The following INSC variants were observed in gnomAD, a reference collection of about 807,000 sequenced individuals.
INSC encodes INSC spindle orientation adaptor protein.
In INSC, 67 loss-of-function variants were observed where a neutral mutation model predicts 58.6. The observed-to-expected ratio is 1.14, with a 90% confidence interval of 0.94 to 1.40. The LOEUF (loss-of-function observed/expected upper bound fraction) is 1.40, where lower values mean the gene tolerates loss of function less well. INSC is among the 40% of genes most tolerant of loss of function. The pLI is 0.00. For synonymous variants in INSC, 262 were observed against 276.1 expected, an observed-to-expected ratio of 0.95 and a Z score of 0.51; for missense variants, 714 against 692.0, an observed-to-expected ratio of 1.03 and a Z score of -0.36.
chr11:15,246,642 G>T lies in INSC; in HGVS notation c.*602G>T, dbSNP rs533250675. 1 of 152,578 alleles carries T rather than the reference G, an allele frequency of 6.6e-6. No individual in the cohort carries two copies. The highest frequency in any genetic ancestry group is 2.4e-5 in the African/African-American group (1 of 41,496). The allele number at this position is 152,578 out of a possible 1,614,324, so 9.5% of individuals were successfully genotyped here. A position where few individuals can be genotyped will look rare whatever the true frequency, so the allele number is the denominator to read the frequency against. On this transcript the variant is annotated 3_prime_UTR_variant, in exon 13 of 13. Coordinates refer to ENST00000379556, the MANE Select transcript of INSC (RefSeq NM_001042536.3). ...ACACAGAATTGTCTTGTTTTCATAG[G>T]TGTATAAATAGGTTAAGTTCTGAGT...
At chr11:15,194,929 T>C (rs1217349685) in intron 6 of INSC, among the ~76,000 whole-genome samples, 3 of 152,188 alleles carry the variant, frequency 2.0e-5, no homozygotes, top group Admixed American at 6.5e-5. Flanking sequence ...AGCTTTAAAA[T>C]TTTTAGGATT....
At chr11:15,170,617 C>T (rs548483898) in intron 2 of INSC, among the ~76,000 whole-genome samples, 3 of 152,260 alleles carry the variant, frequency 2.0e-5, no homozygotes, top group East Asian at 1.9e-4. Context: ...GTTAAAATAG[C>T]GACTGCCAGG....
rs546343225 is a variant in INSC, at chr11:15,233,149, G to A, written c.1171-2453G>A. ...ACACGCTTAGCTATCACATTATACT[G>A]ACCTCTCACCTAGGGCCTTTCTCAA... On this transcript the variant is annotated intron_variant, in intron 9 of 12. Transcript: ENST00000379556. 2.0e-5 allele frequency among the ~76,000 whole-genome samples: 3 copies of A among 152,304 alleles called. No homozygotes were observed. The East Asian group carries it at 5.8e-4, about 29-fold the overall frequency.
chr11:15,205,092 G>T (rs1345918268), intron 7 of INSC, among the ~76,000 whole-genome samples: 1 of 152,186 alleles, frequency 6.6e-6, no homozygotes, highest in East Asian at 1.9e-4. Flanking sequence ...TTGCCAGTCA[G>T]TCATTCACTT....
At chr11:15,138,243 G>A (rs1848291999) in intron 1 of INSC, among the ~76,000 whole-genome samples, 1 of 152,098 alleles carries the variant, frequency 6.6e-6, no homozygotes, top group Admixed American at 6.5e-5. Context: ...AGATACAATA[G>A]TAATGAAAAA....
At chr11:15,226,632 CCT>C (rs1344861012) in intron 9 of INSC, among the ~76,000 whole-genome samples, 1 of 152,142 alleles carries the variant, frequency 6.6e-6, no homozygotes, top group Non-Finnish European at 1.5e-5. Flanking sequence ...TCAGCTTATC[CCT>C]GTCTGCATTT....
intron 1 of INSC, among the ~76,000 whole-genome samples, chr11:15,144,306 A>G (rs957268320): frequency 6.6e-6 from 1 of 152,102 alleles, no homozygotes; most frequent in Non-Finnish European, 1.5e-5. Flanking sequence ...TTTTTGCCCC[A>G]TTTTACTGAT....
At chr11:15,184,296 T>G (rs1666960755) in intron 5 of INSC, 2 of 154,046 alleles carry the variant, frequency 1.3e-5, no homozygotes, top group African/African-American at 4.8e-5. Flanking sequence ...TATTTTAATA[T>G]TGACAGTTTT....
chr11:15,211,010 T>C lies in INSC; in HGVS notation c.819+10061T>C, dbSNP rs144370515. On this transcript the variant is annotated intron_variant, in intron 7 of 12. Coordinates refer to ENST00000379556, the MANE Select transcript of INSC (RefSeq NM_001042536.3). ...TGCCGGCAAGTGGTGGGTCCTCTGG[T>C]CACCCACAGAGATAAAGAGAGACAG... is the stretch of plus-strand genomic sequence containing the variant. Among the ~76,000 whole-genome samples, 151 of 151,722 alleles carry C rather than the reference T, an allele frequency of 1.0e-3. 3 individuals are homozygous for C. Among genetic ancestry groups the C allele is most frequent in the African/African-American group, 3.6e-3 (147 of 41,328 alleles).
chr11:15,160,314 T>C (rs1006791036), intron 2 of INSC, among the ~76,000 whole-genome samples: 2 of 152,134 alleles, frequency 1.3e-5, no homozygotes, highest in Admixed American at 6.5e-5. Flanking sequence ...GGGACCAGCA[T>C]GTGCAAAGCC....
the INSC span, among the ~76,000 whole-genome samples, chr11:15,254,370 A>C: frequency 6.6e-6 from 1 of 152,186 alleles, no homozygotes; most frequent in Non-Finnish European, 1.5e-5. Context: ...AAAGAAAAAC[A>C]AATATAAGTA....
chr11:15,174,662 A>C (rs1280314291), intron 2 of INSC, among the ~76,000 whole-genome samples: 1 of 152,250 alleles, frequency 6.6e-6, no homozygotes, highest in Admixed American at 6.5e-5. Flanking sequence ...ACTCAGCCTT[A>C]GTCATTAGCT....
intron 9 of INSC, among the ~76,000 whole-genome samples, 176 bp downstream of exon 9, chr11:15,226,004 GA>G (rs1305216977): frequency 2.6e-5 from 4 of 152,088 alleles, no homozygotes; most frequent in African/African-American, 9.7e-5. Flanking sequence ...CTCTCTATGA[GA>G]ACTCCTACCC....
chr11:15,254,217 T>C, the INSC span, among the ~76,000 whole-genome samples: 1 of 152,122 alleles, frequency 6.6e-6, no homozygotes, highest in Non-Finnish European at 1.5e-5. Flanking sequence ...ATAGAATCCA[T>C]ATCTCTTTGA....
intron 12 of INSC, among the ~76,000 whole-genome samples, chr11:15,244,131 G>A (rs1327666243): frequency 6.6e-6 from 1 of 152,024 alleles, no homozygotes; most frequent in Non-Finnish European, 1.5e-5. Context: ...AAAATGCATT[G>A]GTGGCCTTGT....
Position 15,136,631 on chromosome 11 carries a change from C to T in INSC, c.-45-12499C>T, listed in dbSNP as rs185179369. Among the ~76,000 whole-genome samples, 7 of 152,238 alleles carry T rather than the reference C, an allele frequency of 4.6e-5. No individual in the cohort carries two copies. In the East Asian group the frequency reaches 1.3e-3, roughly 29 times the overall value. On this transcript the variant is annotated intron_variant, in intron 1 of 12. Transcript: ENST00000379556. ...ATCTCAAGAAACTTCTTTCTTTGCT[C>T]ATCCATAAGAAGCAACTCCTCATCC...
At chr11:15,226,992 C>A (rs1851665522) in intron 9 of INSC, among the ~76,000 whole-genome samples, 1 of 152,146 alleles carries the variant, frequency 6.6e-6, no homozygotes, top group African/African-American at 2.4e-5. Flanking sequence ...ACCGTAGAAG[C>A]TCCTATTCGG....
intron 1 of INSC, among the ~76,000 whole-genome samples, chr11:15,117,078 A>T (rs747035857): frequency 3.7e-4 from 56 of 150,230 alleles, no homozygotes; most frequent in Non-Finnish European, 6.4e-4. Context: ...AGTAGCTGGG[A>T]TTATAGACCC....
intron 9 of INSC, among the ~76,000 whole-genome samples, chr11:15,228,616 T>C (rs1851731108): frequency 6.6e-6 from 1 of 152,192 alleles, no homozygotes; most frequent in Non-Finnish European, 1.5e-5. Flanking sequence ...GAATTAGGCT[T>C]TGAAGTGCTC....
Sources: allele counts gnomAD v4.1 joint callset (sites outside exome capture counted in the v4.1 genomes callset), GRCh38; gene constraint gnomAD v4.1.1; transcripts MANE v1.5; gene names NCBI Gene and HGNC (gene_info 2026-07-23, HGNC 2026-07-21).